SOX5: variants seen among roughly 807,000 people sequenced by gnomAD.
The protein encoded by SOX5 is SRY-box transcription factor 5.
Under a neutral mutation model 92.0 loss-of-function variants are expected in SOX5, and 9 were observed. The observed-to-expected ratio is 0.10, with a 90% CI of 0.06 to 0.17. The LOEUF is 0.17. Ranked by LOEUF, SOX5 falls within the 10% of genes least tolerant of loss-of-function variation. SOX5 has a pLI of 1.00. For synonymous variants in SOX5, 344 were observed against 336.3 expected (o/e 1.02, Z -0.25); for missense variants, 642 against 944.5 (o/e 0.68, Z 4.20).
chr12:23,565,329 C>A (rs1012209929), intron 10 of SOX5, among the ~76,000 whole-genome samples: 1 of 152,120 alleles, frequency 6.6e-6, no homozygotes, highest in Admixed American at 6.6e-5. Context: ...TCTTACATGA[C>A]CGTGATGGTC....
At chr12:24,533,133 T>C (rs1686650845) in intron 1 of SOX5, among the ~76,000 whole-genome samples, 1 of 152,096 alleles carries the variant, frequency 6.6e-6, no homozygotes, top group African/African-American at 2.4e-5. Context: ...CATTTCTAGG[T>C]TTTTTTTCTT....
chr12:23,678,882 G>A (rs569942305), intron 6 of SOX5, among the ~76,000 whole-genome samples: 339 of 151,722 alleles, frequency 2.2e-3, no homozygotes, highest in Middle Eastern at 6.8e-3. Flanking sequence ...TAAATCTTAC[G>A]TATCAAAATA....
chr12:23,682,381 T>G (rs1185409589), intron 6 of SOX5, among the ~76,000 whole-genome samples: 1 of 151,794 alleles, frequency 6.6e-6, no homozygotes, highest in Non-Finnish European at 1.5e-5. Context: ...CATTTACTTG[T>G]GAATTGAGTC....
chr12:23,907,759 A>T (rs1456630967), intron 1 of SOX5, among the ~76,000 whole-genome samples: 1 of 149,346 alleles, frequency 6.7e-6, no homozygotes, highest in Non-Finnish European at 1.5e-5. Context: ...AAAAAAAAAA[A>T]TGTTTCGAGT....
intron 2 of SOX5, among the ~76,000 whole-genome samples, chr12:23,877,622 G>T (rs1310128130): frequency 6.6e-6 from 1 of 152,076 alleles, no homozygotes; most frequent in African/African-American, 2.4e-5. Flanking sequence ...AAACATGCAA[G>T]ATTAAACTGA....
chr12:23,679,233 C>T (rs1266051647), intron 6 of SOX5, among the ~76,000 whole-genome samples: 1 of 152,072 alleles, frequency 6.6e-6, no homozygotes, highest in Non-Finnish European at 1.5e-5. Context: ...TAAGATGATG[C>T]CTTGGGTCCC....
chr12:24,532,538 G>A (rs570584919), intron 1 of SOX5, among the ~76,000 whole-genome samples: 27 of 152,318 alleles, frequency 1.8e-4, no homozygotes, highest in African/African-American at 6.3e-4. Context: ...CTCCCTGAAA[G>A]GGGGAGACAA....
At chr12:23,854,922 T>C (rs976984278) in intron 2 of SOX5, among the ~76,000 whole-genome samples, 2 of 152,106 alleles carry the variant, frequency 1.3e-5, no homozygotes, top group Non-Finnish European at 2.9e-5. Context: ...GTTAATAATA[T>C]GTGTTATGAG....
intron 1 of SOX5, among the ~76,000 whole-genome samples, chr12:24,435,895 T>C (rs971255510): frequency 7.9e-5 from 12 of 152,208 alleles, no homozygotes; most frequent in African/African-American, 2.9e-4. Context: ...TCAAACTATT[T>C]CAAACTTTTT....
intron 9 of SOX5, among the ~76,000 whole-genome samples, chr12:23,576,838 C>A (rs990680314): frequency 4.0e-5 from 6 of 151,830 alleles, no homozygotes; most frequent in African/African-American, 1.5e-4. Context: ...ATTGGAATAT[C>A]TTACCACTTG....
chr12:24,241,002 A>C (rs554921338), intron 3 of SOX5, among the ~76,000 whole-genome samples: 2 of 152,302 alleles, frequency 1.3e-5, no homozygotes, highest in East Asian at 3.9e-4. Flanking sequence ...GTGATGGTTT[A>C]TATGTGGTGC....
intron 1 of SOX5, among the ~76,000 whole-genome samples, chr12:24,492,133 C>T (rs1387714382): frequency 2.6e-5 from 4 of 152,170 alleles, no homozygotes; most frequent in Non-Finnish European, 5.9e-5. Context: ...GCATGGCCAT[C>T]TGTCTCCCCT....
chr12:23,787,916 A>G (rs76790912), intron 3 of SOX5, among the ~76,000 whole-genome samples: 6 of 150,740 alleles, frequency 4.0e-5, no homozygotes, highest in African/African-American at 1.5e-4. Context: ...TCCTGCTTAG[A>G]CCCGAGATGC....
At chr12:24,043,979 A>G (rs1254632791) in intron 4 of SOX5, among the ~76,000 whole-genome samples, 1 of 152,210 alleles carries the variant, frequency 6.6e-6, no homozygotes, top group Non-Finnish European at 1.5e-5. Context: ...ATTATATTGA[A>G]TAAGTCATGC....
At chr12:23,614,181 G>A (rs933797696) in intron 8 of SOX5, among the ~76,000 whole-genome samples, 11 of 152,174 alleles carry the variant, frequency 7.2e-5, no homozygotes, top group African/African-American at 2.7e-4. Flanking sequence ...AGGAAGTGCA[G>A]GATGAAGTTA....
chr12:24,263,527 C>CAAA (rs386375915), intron 3 of SOX5, among the ~76,000 whole-genome samples: 1,966 of 63,044 alleles, frequency 0.031, 413 homozygotes, highest in Non-Finnish European at 0.041. Context: ...GACTCCGTCT[C>CAAA]AAAAAAAAAA....
intron 3 of SOX5, among the ~76,000 whole-genome samples, chr12:23,771,846 A>G (rs955357223): frequency 6.6e-6 from 1 of 152,210 alleles, no homozygotes; most frequent in African/African-American, 2.4e-5. Flanking sequence ...AAATGTCAAC[A>G]GTTTCAAAAA....
At chr12:23,881,209 C>T (rs2096985271) in intron 2 of SOX5, among the ~76,000 whole-genome samples, 1 of 152,112 alleles carries the variant, frequency 6.6e-6, no homozygotes, top group Non-Finnish European at 1.5e-5. Context: ...AGGCTGTAAA[C>T]CGCCTGCTAT....
intron 3 of SOX5, among the ~76,000 whole-genome samples, chr12:23,763,317 T>C (rs926514316): frequency 2.0e-5 from 3 of 152,152 alleles, no homozygotes; most frequent in African/African-American, 4.8e-5. Flanking sequence ...TTGACTAACA[T>C]TACAACTACA....
Sources: allele counts gnomAD v4.1 joint callset (sites outside exome capture counted in the v4.1 genomes callset), GRCh38; gene constraint gnomAD v4.1.1; transcripts MANE v1.5; gene names NCBI Gene and HGNC (gene_info 2026-07-23, HGNC 2026-07-21).